The following NAALADL2 variants were observed in gnomAD, a reference collection of about 807,000 sequenced individuals.
NAALADL2 encodes the protein inactive N-acetylated-alpha-linked acidic dipeptidase-like protein 2.
Under a neutral mutation model 87.2 loss-of-function variants are expected in NAALADL2, and 76 were observed. The ratio of observed to expected loss-of-function variants is 0.87; its 90% CI spans 0.72 to 1.05. The LOEUF is 1.05. NAALADL2 is among the 50% of genes least tolerant of loss of function. NAALADL2 has a pLI of 0.00. For missense variants in NAALADL2, 1,089 were observed against 945.8 expected (o/e 1.15, Z -1.99); for synonymous variants, 354 against 331.0 (o/e 1.07, Z -0.75).
chr3:175,222,627 G>T (rs1743551510), intron 2 of NAALADL2, among the ~76,000 whole-genome samples: 1 of 152,046 alleles, frequency 6.6e-6, no homozygotes, highest in African/African-American at 2.4e-5. Context: ...TGGAGCAGTG[G>T]TTCTCAACAT....
chr3:175,313,690 C>T (rs1758675169), intron 4 of NAALADL2, among the ~76,000 whole-genome samples: 1 of 152,162 alleles, frequency 6.6e-6, no homozygotes, highest in Non-Finnish European at 1.5e-5. Flanking sequence ...GCAATAACAG[C>T]ATCCTCCTTC....
At chr3:174,906,698 T>C (rs1733010195) in intron 1 of NAALADL2, among the ~76,000 whole-genome samples, 1 of 152,082 alleles carries the variant, frequency 6.6e-6, no homozygotes, top group Admixed American at 6.6e-5. Context: ...ATTCCCCAAC[T>C]GCAACTTCAT....
chr3:175,058,680 A>C lies in NAALADL2; in HGVS notation c.44-38110A>C, dbSNP rs533946438. Among the ~76,000 whole-genome samples the C allele has an allele frequency of 1.6e-4, 24 of 152,332 alleles. No individual in the cohort carries two copies. The South Asian group carries it at 4.1e-3, about 26-fold the overall frequency. ...GTGTCTGTGGGAGCAAGACATCTGT[A>C]TGAAAGCTCGTAAGCTCATTTTTAG... On this transcript the variant is annotated intron_variant, in intron 1 of 13. Coordinates refer to ENST00000454872, the MANE Select transcript of NAALADL2 (RefSeq NM_207015.3).
intron 9 of NAALADL2, among the ~76,000 whole-genome samples, chr3:175,546,631 C>A (rs1477348470): frequency 1.3e-5 from 2 of 152,008 alleles, no homozygotes; most frequent in Non-Finnish European, 2.9e-5. Context: ...TCTTATTTCT[C>A]CTTTGCTTAT....
intron 5 of NAALADL2, among the ~76,000 whole-genome samples, chr3:175,438,193 G>A (rs978700464): frequency 8.5e-5 from 13 of 152,058 alleles, no homozygotes; most frequent in East Asian, 1.9e-4. Context: ...TTTAAAGTAC[G>A]TTTCCATTTT....
rs1751737137 is a variant in NAALADL2, at chr3:175,785,084, T to C, written c.2190-17921T>C. ...GTCTGAGAGATAGTTTGTTATAATG[T>C]CTGTTCTTTTACATTTGCTGAGGAG... is the stretch of plus-strand genomic sequence containing the variant. On this transcript the variant is annotated intron_variant, in intron 13 of 13. Transcript: ENST00000454872. Among the ~76,000 whole-genome samples, 4 of 151,256 alleles carry C rather than the reference T, an allele frequency of 2.6e-5. No homozygotes were observed. In the South Asian group the frequency reaches 8.3e-4, roughly 31 times the overall value.
At chr3:175,086,988 A>T (rs1326628312) in intron 1 of NAALADL2, among the ~76,000 whole-genome samples, 2 of 151,466 alleles carry the variant, frequency 1.3e-5, no homozygotes, top group African/African-American at 4.9e-5. Context: ...AAGAATAATT[A>T]TGTTACTTTT....
At chr3:174,623,399 G>T (rs1353879341) in intron 2 of NAALADL2, among the ~76,000 whole-genome samples, 1 of 152,086 alleles carries the variant, frequency 6.6e-6, no homozygotes, top group African/African-American at 2.4e-5. Flanking sequence ...AAGGGTTTGT[G>T]TGTGTAGGTT....
intron 1 of NAALADL2, among the ~76,000 whole-genome samples, chr3:175,024,906 C>T (rs1367045911): frequency 6.6e-6 from 1 of 151,960 alleles, no homozygotes; most frequent in Non-Finnish European, 1.5e-5. Context: ...AGACTGGTAT[C>T]GCCACCCACA....
intron 2 of NAALADL2, among the ~76,000 whole-genome samples, chr3:175,175,767 G>C (rs1229498248): frequency 2.0e-5 from 3 of 151,952 alleles, no homozygotes; most frequent in Admixed American, 6.6e-5. Context: ...ATCTGTACTA[G>C]TGAATCTAAC....
At position 174,810,000 on chromosome 3, in the gene NAALADL2, G is replaced by T. The variant is rs187926300; in HGVS notation, c.-9+72254G>T. Among the ~76,000 whole-genome samples the T allele has an allele frequency of 3.7e-3, 567 of 152,248 alleles. 1 individual carries two copies. The highest frequency in any genetic ancestry group is 5.5e-3 in the Non-Finnish European group (374 of 68,016). ...CCTGCTGTGGAAGATGCCTGCTCCT[G>T]CTTTGCCTTCCATCATGAGTAAAAG... On this transcript the variant is annotated intron_variant, in intron 3 of 3. Transcript: ENST00000434257.
At chr3:174,892,501 A>C (rs974745309) in intron 1 of NAALADL2, among the ~76,000 whole-genome samples, 5 of 152,258 alleles carry the variant, frequency 3.3e-5, no homozygotes, top group Admixed American at 2.6e-4. Flanking sequence ...AAATAGCCTC[A>C]AAAGGTAAAA....
rs529614059 is a variant in NAALADL2 at position 175,443,065 on chromosome 3, A to G, written c.1091-4164A>G. Among the ~76,000 whole-genome samples, 3 of 152,296 alleles carry G rather than the reference A, an allele frequency of 2.0e-5. No individual in the cohort carries two copies. In the South Asian group the frequency reaches 6.2e-4, roughly 32 times the overall value. On this transcript the variant is annotated intron_variant, in intron 5 of 13. Transcript: ENST00000454872. ...AAAACTCTTCTCTCAGCTCTTCTTC[A>G]ATAGACATAGGTTTGTTTTAAAAAT...
At chr3:175,114,672 C>A (rs1415756563) in intron 2 of NAALADL2, among the ~76,000 whole-genome samples, 2 of 151,492 alleles carry the variant, frequency 1.3e-5, no homozygotes, top group Admixed American at 6.6e-5. Context: ...CTAGGATATG[C>A]TCTAGAACCT....
chr3:175,326,983 G>T (rs1560367337), intron 5 of NAALADL2, among the ~76,000 whole-genome samples: 2 of 151,942 alleles, frequency 1.3e-5, no homozygotes, highest in Non-Finnish European at 2.9e-5. Context: ...TAAGAACTTT[G>T]TTTTATTTAC....
intron 2 of NAALADL2, among the ~76,000 whole-genome samples, chr3:174,580,462 C>T (rs139069290): frequency 1.9e-4 from 29 of 152,028 alleles, no homozygotes; most frequent in African/African-American, 5.5e-4. Context: ...TACAATTGTG[C>T]AGTTTTTACT....
chr3:174,667,758 G>A (rs908533640), intron 2 of NAALADL2, among the ~76,000 whole-genome samples: 1 of 151,916 alleles, frequency 6.6e-6, no homozygotes. Context: ...CTGGTGAAGG[G>A]GAGGTTAAAG....
chr3:175,587,482 T>C (rs1720700829), intron 10 of NAALADL2, among the ~76,000 whole-genome samples: 1 of 152,204 alleles, frequency 6.6e-6, no homozygotes, highest in Non-Finnish European at 1.5e-5. Flanking sequence ...CAGGTGAACA[T>C]GAGGCAATGG....
intron 1 of NAALADL2, among the ~76,000 whole-genome samples, chr3:174,884,812 C>A (rs1384254636): frequency 6.6e-6 from 1 of 152,132 alleles, no homozygotes; most frequent in Non-Finnish European, 1.5e-5. Flanking sequence ...GTATAGCACA[C>A]CTCCTCAGAG....
Sources: allele counts gnomAD v4.1 joint callset (sites outside exome capture counted in the v4.1 genomes callset), GRCh38; gene constraint gnomAD v4.1.1; transcripts MANE v1.5; gene names NCBI Gene and HGNC (gene_info 2026-07-23, HGNC 2026-07-21).